Variants in CFAP46 observed in about 807,000 individuals in gnomAD.
CFAP46 encodes the protein cilia- and flagella-associated protein 46.
A neutral mutation model predicts 325.7 loss-of-function variants in CFAP46; 245 were observed. That is an observed-to-expected ratio of 0.75 (90% CI 0.68 to 0.84). The LOEUF (loss-of-function observed/expected upper bound fraction) is 0.84, where lower values mean the gene tolerates loss of function less well. CFAP46 is among the 40% of genes least tolerant of loss of function. The pLI is 0.00. For synonymous variants in CFAP46, 1,523 were observed against 1,495.9 expected (o/e 1.02, Z -0.42); for missense variants, 3,346 against 3,543.0 (o/e 0.94, Z 1.41).
chr10:132,928,400 G>C (rs1186334560), intron 9 of CFAP46, among the ~76,000 whole-genome samples: 3 of 152,238 alleles, frequency 2.0e-5, no homozygotes, highest in Non-Finnish European at 4.4e-5. Flanking sequence ...CCCATCCTCC[G>C]TGCGGCATGG....
chr10:132,924,239 C>T (rs4880223), intron 11 of CFAP46, among the ~76,000 whole-genome samples: 31 of 151,184 alleles, frequency 2.1e-4, no homozygotes, highest in Non-Finnish European at 2.7e-4. Context: ...ATGCCTGCCG[C>T]CTGCCTGCCA....
At chr10:132,927,394 G>A (rs1591096156) in intron 9 of CFAP46, among the ~76,000 whole-genome samples, 1 of 151,564 alleles carries the variant, frequency 6.6e-6, no homozygotes, top group East Asian at 1.9e-4. Flanking sequence ...GGTCCTCGGC[G>A]GCAGACGCCT....
intron 34 of CFAP46, 34 bp downstream of exon 34, chr10:132,867,341 T>C (rs1848830078): frequency 6.5e-7 from 1 of 1,534,346 alleles, no homozygotes; most frequent in African/African-American, 1.4e-5. Context: ...CCCGCTGGGC[T>C]GCGGGTCAGA....
chr10:132,821,010 T>C (rs1262871085), intron 50 of CFAP46, among the ~76,000 whole-genome samples: 20 of 127,932 alleles, frequency 1.6e-4, no homozygotes, highest in African/African-American at 6.2e-4. Flanking sequence ...ATGTGTGCTG[T>C]GTGTGCTGTG....
chr10:132,878,060 C>T lies in CFAP46; in HGVS notation c.4033G>A (p.Val1345Ile), dbSNP rs779741979. The T allele has an allele frequency of 4.0e-5, 62 of 1,547,708 alleles. No homozygotes were observed. The highest frequency in any genetic ancestry group is 2.2e-4 in the East Asian group (9 of 40,904). ...QVSLMTAGKS[V>I]LENRPLAATS... is the part of the protein sequence containing the mutation. ...GCTGCCAGGGGTCTGTTTTCCAGAA[C>T]TGATTTTCCTGCTGTCATCAAAGAA... is the stretch of plus-strand genomic sequence containing the variant. Residue 1345 changes from valine to isoleucine, a missense_variant, in exon 30 of 58, where the codon GTT becomes ATT. By Grantham distance (29) the Val-to-Ile change is conservative (BLOSUM62 3). Transcript: ENST00000368586.
chr10:132,866,052 G>A lies in CFAP46; in HGVS notation c.4863C>T (p.Leu1621=), dbSNP rs1393906786. The change falls in exon 35 of 58, where the codon CTC becomes CTT. Residue 1621 remains leucine (L), a synonymous_variant. Coordinates refer to ENST00000368586, the MANE Select transcript of CFAP46 (RefSeq NM_001200049.3). ...EMNLYQPARL[L]LSEAYLAFQE... ...GGAAAGCCAGGTAAGCCTCCGACAG[G>A]AGCAGCCGTGCAGGCTGGTACAGGT... 4 of 1,528,920 alleles carry A rather than the reference G, an allele frequency of 2.6e-6. No individual in the cohort carries two copies. Among genetic ancestry groups the A allele is most frequent in the Non-Finnish European group, 2.6e-6 (3 of 1,136,580 alleles). The allele number at this position is 1,528,920 out of a possible 1,614,324, so 94.7% of individuals were successfully genotyped here.
intron 33 of CFAP46, among the ~76,000 whole-genome samples, chr10:132,868,582 A>G (rs944433916): frequency 6.6e-6 from 1 of 152,232 alleles, no homozygotes; most frequent in African/African-American, 2.4e-5. Context: ...TTTCACCATA[A>G]CAGTGTCTGT....
At chr10:132,815,701 G>A (rs1322760870) in intron 50 of CFAP46, among the ~76,000 whole-genome samples, 13 of 152,180 alleles carry the variant, frequency 8.5e-5, no homozygotes, top group African/African-American at 1.4e-4. Context: ...AGGGAGGATC[G>A]CTTGAGCCCA....
chr10:132,869,106 C>T lies in CFAP46; in HGVS notation c.4610+168G>A, dbSNP rs896411131. Among the ~76,000 whole-genome samples, 1 of 152,254 alleles carries T rather than the reference C, an allele frequency of 6.6e-6. No individual in the cohort carries two copies. Among genetic ancestry groups the T allele is most frequent in the African/African-American group, 2.4e-5 (1 of 41,474 alleles). On this transcript the variant is annotated intron_variant, in intron 33 of 57. Coordinates refer to ENST00000368586, the MANE Select transcript of CFAP46 (RefSeq NM_001200049.3). The surrounding 1 kb of genome is among the most constrained non-coding windows in gnomAD (Gnocchi z 6.2). Reference sequence around the variant, plus strand: ...GTGAGGAGCACCTCCCCACAACCCACCTCCAGCACGACCCAGGAGAACCGG... The same window carrying T: ...GTGAGGAGCACCTCCCCACAACCCATCTCCAGCACGACCCAGGAGAACCGG...
intron 35 of CFAP46, among the ~76,000 whole-genome samples, chr10:132,864,369 T>C (rs1237032891): frequency 7.3e-5 from 7 of 96,130 alleles, no homozygotes; most frequent in African/African-American, 1.3e-4. Flanking sequence ...CACACACCTG[T>C]CCCCAGTGCC....
At chr10:132,837,646 CGTACACAG>C (rs1848280302) in intron 44 of CFAP46, among the ~76,000 whole-genome samples, 3 of 146,108 alleles carry the variant, frequency 2.1e-5, no homozygotes, top group African/African-American at 7.6e-5. Context: ...CACACGCACA[CGTACACAG>C]ATGCACACAG....
At chr10:132,864,321 G>A (rs373487468) in intron 35 of CFAP46, among the ~76,000 whole-genome samples, 1 of 116,464 alleles carries the variant, frequency 8.6e-6, no homozygotes, top group African/African-American at 3.4e-5. Flanking sequence ...TCCCCTGCCT[G>A]AGACCTGCAC....
chr10:132,876,674 G>A lies in CFAP46; in HGVS notation c.4362+138C>T, dbSNP rs1848961824. 1.2e-6 allele frequency: 1 copy of A among 857,798 alleles called. No homozygotes were observed. The highest frequency in any genetic ancestry group is 2.7e-5 in the East Asian group (1 of 36,698). 53.1% of individuals were successfully genotyped at this position (857,798 alleles called of 1,614,324 possible). On this transcript the variant is annotated intron_variant, in intron 31 of 57. Transcript: ENST00000368586. This position sits in a 1 kb window ranked among gnomAD's most constrained non-coding sequence, Gnocchi z 4.1. ...ACAGTGGTGCTGGGAGGGCCTGTGG[G>A]AGGCTGGGGGCTGATGGGACTCTGT...
chr10:132,810,456 G>A lies in CFAP46; in HGVS notation c.7617C>T (p.Asn2539=), dbSNP rs1345722436. The A allele has an allele frequency of 8.7e-6, 14 of 1,613,492 alleles. No individual in the cohort carries two copies. The highest frequency in any genetic ancestry group is 8.0e-5 in the African/African-American group (6 of 74,932). The change falls in exon 57 of 58, where the codon AAC becomes AAT. Residue 2539 remains asparagine, a synonymous_variant. Transcript: ENST00000368586. ...ACTCATCTTCTGAAGGAGACGCACT[G>A]TTTCTCCAATTGGCTTCCCAACGGC... ...SVGRWEANWR[N]SASPSEDEWR... is the part of the protein sequence containing the mutation.
intron 50 of CFAP46, among the ~76,000 whole-genome samples, chr10:132,826,363 C>A (rs565941375): frequency 1.4e-5 from 2 of 140,126 alleles, no homozygotes; most frequent in African/African-American, 2.8e-5. Flanking sequence ...AGACCAGCCA[C>A]GGAGCCAGGC....
At chr10:132,899,713 T>G in intron 22 of CFAP46, 47 bp from the exon 23 acceptor site, 1 of 1,522,628 alleles carries the variant, frequency 6.6e-7, no homozygotes, top group Non-Finnish European at 8.8e-7. Flanking sequence ...TGGCCCACCT[T>G]GGGTCCTCCC....
intron 50 of CFAP46, among the ~76,000 whole-genome samples, chr10:132,815,346 C>T (rs1847672788): frequency 6.6e-6 from 1 of 152,186 alleles, no homozygotes; most frequent in Admixed American, 6.5e-5. Context: ...CCTGTTTCTG[C>T]CCCCGACTTT....
At chr10:132,935,727 C>CAT (rs1458488210) in intron 7 of CFAP46, among the ~76,000 whole-genome samples, 1 of 124,652 alleles carries the variant, frequency 8.0e-6, no homozygotes. Context: ...CCCCTCGGCA[C>CAT]CCAAACACAC....
chr10:132,843,212 G>T (rs753575907), intron 44 of CFAP46, among the ~76,000 whole-genome samples: 31 of 152,206 alleles, frequency 2.0e-4, no homozygotes, highest in African/African-American at 3.6e-4. Flanking sequence ...TGGAGGCTGC[G>T]TCCTCTCCAG....
Sources: gnomAD v4.1 joint callset for allele counts (sites outside exome capture counted in the v4.1 genomes callset) on GRCh38, gnomAD v4.1.1 for gene constraint, Gnocchi (gnomAD v3.1) non-coding constraint, MANE v1.5 for transcripts, NCBI Gene and HGNC (gene_info 2026-07-23, HGNC 2026-07-21) for gene names.